PRELID2: variants seen among roughly 807,000 people sequenced by gnomAD.
PRELID2 encodes the protein PRELI domain containing 2, also known as PRELI domain-containing protein 2.
In PRELID2, 25 loss-of-function variants were observed where a neutral mutation model predicts 28.4. The observed-to-expected ratio is 0.88, with a 90% CI of 0.64 to 1.23. The LOEUF (loss-of-function observed/expected upper bound fraction) is 1.23, where lower values mean the gene tolerates loss of function less well. Ranked by LOEUF, PRELID2 falls within the 50% of genes most tolerant of loss-of-function variation. PRELID2 has a pLI of 0.00. For missense variants in PRELID2, 201 were observed against 214.4 expected, an observed-to-expected ratio of 0.94 and a Z score of 0.39; for synonymous variants, 76 against 71.6, an observed-to-expected ratio of 1.06 and a Z score of -0.31.
chr5:145,445,768 A>G, the PRELID2 span, among the ~76,000 whole-genome samples: 2 of 146,150 alleles, frequency 1.4e-5, no homozygotes, highest in African/African-American at 2.5e-5. Context: ...ACACACACAC[A>G]TCAACATCAC....
the PRELID2 span, among the ~76,000 whole-genome samples, chr5:145,424,279 C>G: frequency 6.6e-6 from 1 of 152,186 alleles, no homozygotes. Context: ...TCGAGCTTCC[C>G]GGCTGCTTTG....
At position 145,739,397 on chromosome 5, in the gene PRELID2, C is replaced by T. The variant is rs562509054; in HGVS notation, n.70+25534G>A. Among the ~76,000 whole-genome samples the T allele has an allele frequency of 5.9e-5, 9 of 152,032 alleles. No homozygotes were observed. The South Asian group carries it at 1.7e-3, about 28-fold the overall frequency. On this transcript the variant is annotated intron_variant and non_coding_transcript_variant, in intron 1 of 2. Transcript: ENST00000510259. ...GTGGGCACCTGTAATTCCAGCTACT[C>T]GGGAGGGTAAGGCAGGAGAAGCGCT...
At chr5:145,253,455 C>T in the PRELID2 span, among the ~76,000 whole-genome samples, 2 of 152,064 alleles carry the variant, frequency 1.3e-5, no homozygotes, top group Admixed American at 6.6e-5. Flanking sequence ...CCATAGTAAT[C>T]GTAAAAAGCA....
chr5:145,758,019 C>T lies in PRELID2; in HGVS notation c.*2517G>A, dbSNP rs912484397. Among the ~76,000 whole-genome samples the T allele has an allele frequency of 2.0e-5, 3 of 152,026 alleles. No individual in the cohort carries two copies. The highest frequency in any genetic ancestry group is 7.2e-5 in the African/African-American group (3 of 41,392). On this transcript the variant is annotated 3_prime_UTR_variant, in exon 7 of 7. Transcript: ENST00000683046. ...CATCCAGAGTACAAAAATGCAAATCCATTAAAGCTTGGCCAGGATGTTTAG... is the reference window on the plus strand; with the variant it reads ...CATCCAGAGTACAAAAATGCAAATCTATTAAAGCTTGGCCAGGATGTTTAG...
At chr5:145,509,780 G>T (rs558291017) in intron 1 of PRELID2, among the ~76,000 whole-genome samples, 1 of 152,128 alleles carries the variant, frequency 6.6e-6, no homozygotes, top group Non-Finnish European at 1.5e-5. Context: ...TTGAGGAAAT[G>T]GTTGCTCTGA....
intron 4 of PRELID2, among the ~76,000 whole-genome samples, chr5:145,804,584 T>G (rs1753370003): frequency 6.6e-6 from 1 of 152,210 alleles, no homozygotes; most frequent in Non-Finnish European, 1.5e-5. Flanking sequence ...AGCATTGTAT[T>G]AAGTTTTTTA....
intron 5 of PRELID2, among the ~76,000 whole-genome samples, chr5:145,786,311 G>T (rs1751992180): frequency 6.6e-6 from 1 of 152,130 alleles, no homozygotes; most frequent in Admixed American, 6.6e-5. Flanking sequence ...TTTAGTGTGG[G>T]CTGTGACTTT....
chr5:145,481,261 T>C (rs1018528627), intron 1 of PRELID2, among the ~76,000 whole-genome samples: 10 of 152,072 alleles, frequency 6.6e-5, no homozygotes, highest in African/African-American at 2.4e-4. Context: ...ATTTGGTTTG[T>C]TTTCAGTAGC....
chr5:145,589,984 A>G (rs985394205), intron 1 of PRELID2, among the ~76,000 whole-genome samples: 24 of 152,196 alleles, frequency 1.6e-4, no homozygotes, highest in African/African-American at 5.8e-4. Flanking sequence ...TTTAATATGC[A>G]TGATATTCTT....
At chr5:145,350,141 G>T in the PRELID2 span, among the ~76,000 whole-genome samples, 1 of 152,252 alleles carries the variant, frequency 6.6e-6, no homozygotes, top group Middle Eastern at 3.4e-3. Flanking sequence ...TCTGTAAAAT[G>T]GACATAAGTT....
At chr5:145,666,956 T>C (rs188114611) in intron 1 of PRELID2, among the ~76,000 whole-genome samples, 4 of 152,216 alleles carry the variant, frequency 2.6e-5, no homozygotes, top group Admixed American at 1.3e-4. Flanking sequence ...AAACCTCTTA[T>C]TGTAGTGACA....
intron 1 of PRELID2, among the ~76,000 whole-genome samples, chr5:145,688,662 A>G (rs908486581): frequency 1.3e-5 from 2 of 152,338 alleles, no homozygotes; most frequent in African/African-American, 4.8e-5. Flanking sequence ...TTAGCAAAAG[A>G]AACTGTACAT....
chr5:145,703,736 GGGAGAAGACAGGAATGGGTACT>G (rs1581075741), intron 1 of PRELID2, among the ~76,000 whole-genome samples: 1 of 152,154 alleles, frequency 6.6e-6, no homozygotes, highest in Admixed American at 6.5e-5. Context: ...GAGGGAGAAA[GGGAGAAGACAGGAATGGGTACT>G]GGAGCATCAC....
chr5:145,248,214 C>G, the PRELID2 span, among the ~76,000 whole-genome samples: 1 of 152,040 alleles, frequency 6.6e-6, no homozygotes, highest in African/African-American at 2.4e-5. Flanking sequence ...TCGTTCCCCC[C>G]CCTTCTTAAC....
At chr5:145,734,537 T>C (rs958652719) in intron 1 of PRELID2, among the ~76,000 whole-genome samples, 2 of 152,188 alleles carry the variant, frequency 1.3e-5, no homozygotes, top group Non-Finnish European at 2.9e-5. Context: ...AGTCTACCAA[T>C]GAATAAGTGA....
chr5:145,238,162 C>T, the PRELID2 span, among the ~76,000 whole-genome samples: 1 of 152,052 alleles, frequency 6.6e-6, no homozygotes, highest in South Asian at 2.1e-4. Flanking sequence ...TGAAAAGGGC[C>T]ACATTACAGA....
chr5:145,812,391 C>T (rs559402581), intron 4 of PRELID2, among the ~76,000 whole-genome samples: 25 of 152,340 alleles, frequency 1.6e-4, no homozygotes, highest in African/African-American at 6.0e-4. Context: ...CACTGCCAAC[C>T]GCTCAGATTC....
chr5:145,388,595 C>T, the PRELID2 span, among the ~76,000 whole-genome samples: 1 of 152,314 alleles, frequency 6.6e-6, no homozygotes, highest in Non-Finnish European at 1.5e-5. Flanking sequence ...TTGGCTCCTT[C>T]CTACACTCAA....
intron 1 of PRELID2, among the ~76,000 whole-genome samples, chr5:145,737,203 C>A (rs1433415258): frequency 6.6e-6 from 1 of 152,044 alleles, no homozygotes; most frequent in Admixed American, 6.6e-5. Context: ...GCAGACGAGA[C>A]AGGCTCTGAA....
Sources: allele counts gnomAD v4.1 joint callset (sites outside exome capture counted in the v4.1 genomes callset), GRCh38; gene constraint gnomAD v4.1.1; transcripts MANE v1.5; gene names NCBI Gene and HGNC (gene_info 2026-07-23, HGNC 2026-07-21).